Variants in SHOC2 observed in about 807,000 individuals in gnomAD.
The protein encoded by SHOC2 is leucine-rich repeat protein SHOC-2.
Under a neutral mutation model 50.2 loss-of-function variants are expected in SHOC2, and 4 were observed. The ratio of observed to expected loss-of-function variants is 0.08; its 90% CI spans 0.04 to 0.18. SHOC2 has a LOEUF of 0.18. Among genes scored for constraint, SHOC2 ranks in the 10% least tolerant of loss-of-function variants. The probability of loss-of-function intolerance (pLI) is 1.00; values close to 1 mark genes in which losing one functional copy is unlikely to be tolerated. For synonymous variants in SHOC2, 218 were observed against 244.5 expected, an observed-to-expected ratio of 0.89 and a Z score of 1.01; for missense variants, 388 against 669.6, an observed-to-expected ratio of 0.58 and a Z score of 4.64.
At chr10:110,941,288 T>C (rs182871642) in intron 1 of SHOC2, among the ~76,000 whole-genome samples, 1 of 152,010 alleles carries the variant, frequency 6.6e-6, no homozygotes, top group Admixed American at 6.6e-5. Flanking sequence ...AATGTCTGCC[T>C]GAGTCTTTGC....
intron 1 of SHOC2, among the ~76,000 whole-genome samples, chr10:110,954,734 G>T (rs1388114526): frequency 3.3e-5 from 5 of 152,134 alleles, no homozygotes; most frequent in Non-Finnish European, 7.4e-5. Flanking sequence ...CAGGATAGAT[G>T]GTCAGAGAAG....
At chr10:111,006,976 A>AT (rs573953077) in intron 5 of SHOC2, among the ~76,000 whole-genome samples, 1 of 152,010 alleles carries the variant, frequency 6.6e-6, no homozygotes, top group African/African-American at 2.4e-5. Flanking sequence ...ATATTTTACC[A>AT]TTTTTTTCTT....
Position 111,011,593 on chromosome 10 carries a change from A to ATT in SHOC2, c.1541-8_1541-7dup. The ATT allele has an allele frequency of 2.6e-6, 4 of 1,539,050 alleles. No individual in the cohort carries two copies. Among genetic ancestry groups the ATT allele is most frequent in the Non-Finnish European group, 2.7e-6 (3 of 1,117,562 alleles). The stretch of plus-strand genomic sequence containing the variant: ...GCAACTAATTTTTAAAAAAAAATTG[A>ATT]TTTTTTTTTTAAACAGGTACACTGG... On this transcript the variant is annotated splice_polypyrimidine_tract_variant and intron_variant, in intron 8 of 8. Transcript: ENST00000369452.
chr10:110,971,395 C>T (rs181356766), intron 2 of SHOC2, among the ~76,000 whole-genome samples: 182 of 152,144 alleles, frequency 1.2e-3, no homozygotes, highest in Non-Finnish European at 2.1e-3. Context: ...GTTCTCTACT[C>T]TATTCAATTG....
upstream of SHOC2, chr10:110,919,477 C>T: frequency 2.5e-6 from 1 of 392,278 alleles, no homozygotes. Context: ...GAGTGACGGG[C>T]CCACGGCAGA....
intron 1 of SHOC2, among the ~76,000 whole-genome samples, chr10:110,962,301 A>G (rs1336846521): frequency 6.6e-6 from 1 of 152,150 alleles, no homozygotes; most frequent in South Asian, 2.1e-4. Flanking sequence ...CTTAAATACA[A>G]ATTGATAAGC....
At chr10:110,948,605 T>C (rs1364311873) in intron 1 of SHOC2, among the ~76,000 whole-genome samples, 2 of 152,080 alleles carry the variant, frequency 1.3e-5, no homozygotes, top group Non-Finnish European at 2.9e-5. Flanking sequence ...TTTACAAATA[T>C]GTGGAAATTA....
intron 6 of SHOC2, among the ~76,000 whole-genome samples, chr10:111,008,418 T>G (rs1848508597): frequency 6.6e-6 from 1 of 151,878 alleles, no homozygotes. Flanking sequence ...GGCTTTGAAG[T>G]CAAACAAAGC....
chr10:110,928,685 A>C (rs1846825565), intron 1 of SHOC2, among the ~76,000 whole-genome samples: 1 of 152,112 alleles, frequency 6.6e-6, no homozygotes, highest in Non-Finnish European at 1.5e-5. Context: ...CGCTTGACTC[A>C]CAAGTTTGAG....
chr10:110,972,130 AGTATTATG>A (rs1370106760), intron 2 of SHOC2, among the ~76,000 whole-genome samples: 2 of 150,744 alleles, frequency 1.3e-5, no homozygotes, highest in Non-Finnish European at 3.0e-5. Flanking sequence ...TTAGTATTAT[AGTATTATG>A]GTATTATTAC....
At chr10:110,942,431 T>A (rs1847165730) in intron 1 of SHOC2, among the ~76,000 whole-genome samples, 1 of 152,200 alleles carries the variant, frequency 6.6e-6, no homozygotes, top group Admixed American at 6.5e-5. Flanking sequence ...CACTACAGCC[T>A]CTAACTCCTG....
chr10:110,947,786 A>G (rs1847275805), intron 1 of SHOC2, among the ~76,000 whole-genome samples: 2 of 151,954 alleles, frequency 1.3e-5, no homozygotes, highest in Admixed American at 1.3e-4. Flanking sequence ...AAAAAAATCA[A>G]ATCGCAAAGG....
At chr10:110,940,798 GT>G (rs1847121920) in intron 1 of SHOC2, among the ~76,000 whole-genome samples, 1 of 150,936 alleles carries the variant, frequency 6.6e-6, no homozygotes, top group African/African-American at 2.4e-5. Context: ...ATTGGTATAC[GT>G]TTTTTAGAAT....
chr10:110,986,043 G>T, intron 3 of SHOC2: 1 of 333,324 alleles, frequency 3.0e-6, no homozygotes, highest in Non-Finnish European at 5.7e-6. Context: ...AAAATGGGTG[G>T]CTTTTTCTAT....
intron 2 of SHOC2, 46 bp from the exon 3 acceptor site, chr10:110,985,582 G>C (rs1163777609): frequency 2.1e-6 from 3 of 1,416,714 alleles, no homozygotes; most frequent in East Asian, 2.3e-5. Context: ...TATCTAGTAT[G>C]TTCTTTAATA....
At chr10:110,975,127 C>T (rs374527978) in intron 2 of SHOC2, among the ~76,000 whole-genome samples, 1 of 151,566 alleles carries the variant, frequency 6.6e-6, no homozygotes, top group Non-Finnish European at 1.5e-5. Flanking sequence ...TTTCCACTAA[C>T]GTCCATTTTC....
At chr10:110,942,924 T>A (rs1288555301) in intron 1 of SHOC2, among the ~76,000 whole-genome samples, 1 of 152,226 alleles carries the variant, frequency 6.6e-6, no homozygotes, top group Admixed American at 6.5e-5. Flanking sequence ...AGAAATTAAA[T>A]GTTAATACTT....
chr10:110,978,126 C>T (rs1286963352), intron 2 of SHOC2, among the ~76,000 whole-genome samples: 1 of 152,210 alleles, frequency 6.6e-6, no homozygotes, highest in Non-Finnish European at 1.5e-5. Context: ...TGACCTGGAA[C>T]CTGCCTCCAG....
At chr10:110,975,656 G>A (rs570416626) in intron 2 of SHOC2, among the ~76,000 whole-genome samples, 1 of 152,074 alleles carries the variant, frequency 6.6e-6, no homozygotes, top group East Asian at 1.9e-4. Context: ...ATGCCACAGT[G>A]GTGATTGTGT....
Sources: gnomAD v4.1 joint callset for allele counts (sites outside exome capture counted in the v4.1 genomes callset) on GRCh38, gnomAD v4.1.1 for gene constraint, MANE v1.5 for transcripts, NCBI Gene and HGNC (gene_info 2026-07-23, HGNC 2026-07-21) for gene names.